The following IQCJ variants were observed in gnomAD, a reference collection of about 807,000 sequenced individuals.
The protein encoded by IQCJ is IQ domain-containing protein J.
IQCJ carries 9 observed loss-of-function variants against 11.0 expected under a neutral mutation model. The ratio of observed to expected loss-of-function variants is 0.82; its 90% CI spans 0.49 to 1.43. The LOEUF (loss-of-function observed/expected upper bound fraction) is 1.43, where lower values mean the gene tolerates loss of function less well. IQCJ is among the 40% of genes most tolerant of loss of function. The pLI, the probability that IQCJ is intolerant of heterozygous loss-of-function variation, is 0.00. For synonymous variants in IQCJ, 55 were observed against 51.3 expected, an observed-to-expected ratio of 1.07 and a Z score of -0.31; for missense variants, 146 against 133.2, an observed-to-expected ratio of 1.10 and a Z score of -0.47.
intron 1 of IQCJ, among the ~76,000 whole-genome samples, chr3:159,227,753 G>A (rs1560033046): frequency 6.6e-6 from 1 of 152,178 alleles, no homozygotes; most frequent in Admixed American, 6.5e-5. Context: ...AGACTATGTT[G>A]TAAATGTTTT....
intron 1 of IQCJ, among the ~76,000 whole-genome samples, chr3:159,218,681 G>T (rs73029450): frequency 1.3e-5 from 2 of 152,056 alleles, no homozygotes; most frequent in African/African-American, 4.8e-5. Flanking sequence ...ATATAAAGCA[G>T]GAAGAATTTT....
chr3:159,121,028 G>A (rs1719339393), intron 1 of IQCJ, among the ~76,000 whole-genome samples: 1 of 152,046 alleles, frequency 6.6e-6, no homozygotes, highest in South Asian at 2.1e-4. Flanking sequence ...TAGCTCTGAA[G>A]TCCCTTCTGG....
At chr3:159,165,262 A>C (rs910116025) in intron 1 of IQCJ, among the ~76,000 whole-genome samples, 1 of 152,246 alleles carries the variant, frequency 6.6e-6, no homozygotes, top group African/African-American at 2.4e-5. Context: ...TTCTATTTGC[A>C]TGTCCAAATA....
chr3:159,231,463 G>A (rs1432670916), intron 1 of IQCJ, among the ~76,000 whole-genome samples: 2 of 152,066 alleles, frequency 1.3e-5, no homozygotes, highest in Non-Finnish European at 2.9e-5. Flanking sequence ...TTTCCTGCAA[G>A]CTAGGAAATA....
intron 1 of IQCJ, among the ~76,000 whole-genome samples, chr3:159,124,060 G>A (rs1477106841): frequency 6.6e-6 from 1 of 152,026 alleles, no homozygotes; most frequent in African/African-American, 2.4e-5. Context: ...TGCCCCACTT[G>A]CCTTAAATAT....
rs539763795 is a variant in IQCJ at position 159,088,640 on chromosome 3, T to C, written c.9+19199T>C. On this transcript the variant is annotated intron_variant, in intron 1 of 3. Transcript: ENST00000397832. ...CATATATATGCAGGATAGTTAGCTC[T>C]TCTTGTTGAATTGATCCCTTTACCA... 3.7e-4 allele frequency among the ~76,000 whole-genome samples: 57 copies of C among 152,334 alleles called. 1 individual carries two copies. The highest frequency in any genetic ancestry group is 2.7e-3 in the South Asian group (13 of 4,828).
At chr3:159,214,868 G>A (rs1315202105) in intron 1 of IQCJ, among the ~76,000 whole-genome samples, 1 of 152,108 alleles carries the variant, frequency 6.6e-6, no homozygotes, top group Non-Finnish European at 1.5e-5. Flanking sequence ...TTTAAAAACT[G>A]TATCCAGCAA....
chr3:159,183,733 A>G (rs1476037452), intron 1 of IQCJ, among the ~76,000 whole-genome samples: 1 of 152,206 alleles, frequency 6.6e-6, no homozygotes, highest in African/African-American at 2.4e-5. Flanking sequence ...CAATACACAT[A>G]AAAGGCAGTG....
chr3:159,074,172 G>A (rs1376296627), intron 1 of IQCJ, among the ~76,000 whole-genome samples: 2 of 152,066 alleles, frequency 1.3e-5, no homozygotes, highest in African/African-American at 2.4e-5. Context: ...ATAGGCTTGC[G>A]TGAAGGTGAA....
At chr3:159,103,120 T>C (rs2108103432) in intron 1 of IQCJ, among the ~76,000 whole-genome samples, 1 of 152,360 alleles carries the variant, frequency 6.6e-6, no homozygotes, top group South Asian at 2.1e-4. Context: ...GTTATGTCTC[T>C]GATTCACATC....
At chr3:159,252,944 T>G in intron 3 of IQCJ, 137 bp downstream of exon 3, 1 of 825,870 alleles carries the variant, frequency 1.2e-6, no homozygotes. Context: ...CTCCCTCTTC[T>G]AAGCAGGAAC....
chr3:159,225,244 G>A (rs1026043536), intron 1 of IQCJ, among the ~76,000 whole-genome samples: 1 of 152,152 alleles, frequency 6.6e-6, no homozygotes, highest in African/African-American at 2.4e-5. Context: ...CACACGAAGT[G>A]AATGGACCTC....
At chr3:159,212,071 C>T (rs1724985975) in intron 1 of IQCJ, among the ~76,000 whole-genome samples, 1 of 151,248 alleles carries the variant, frequency 6.6e-6, no homozygotes, top group Non-Finnish European at 1.5e-5. Context: ...GATGCAAGCC[C>T]ATGGGAGAAT....
At chr3:159,239,736 T>G (rs1233171990) in intron 1 of IQCJ, among the ~76,000 whole-genome samples, 1 of 152,226 alleles carries the variant, frequency 6.6e-6, no homozygotes, top group Non-Finnish European at 1.5e-5. Context: ...CATAACAACA[T>G]AACATTACAA....
At chr3:159,120,433 G>T (rs576346301) in intron 1 of IQCJ, among the ~76,000 whole-genome samples, 90 of 152,324 alleles carry the variant, frequency 5.9e-4, no homozygotes, top group Middle Eastern at 3.4e-3. Flanking sequence ...AACTAGTGTG[G>T]TGAATCTGGG....
At chr3:159,257,258 C>T (rs1473514425) in intron 3 of IQCJ, among the ~76,000 whole-genome samples, 1 of 152,150 alleles carries the variant, frequency 6.6e-6, no homozygotes, top group Non-Finnish European at 1.5e-5. Flanking sequence ...TAATCTGATA[C>T]TCTTCTTTTT....
intron 1 of IQCJ, among the ~76,000 whole-genome samples, chr3:159,221,105 T>C (rs963031468): frequency 6.6e-6 from 1 of 152,138 alleles, no homozygotes; most frequent in Non-Finnish European, 1.5e-5. Flanking sequence ...GTTTCATTGT[T>C]TTGTTTTACT....
chr3:159,244,341 A>T (rs867026777), intron 1 of IQCJ, among the ~76,000 whole-genome samples: 3 of 152,250 alleles, frequency 2.0e-5, no homozygotes, highest in Admixed American at 6.5e-5. Context: ...AGTGGGGAAG[A>T]TCTGAAAACA....
chr3:159,140,691 C>T (rs1403372004), intron 1 of IQCJ, among the ~76,000 whole-genome samples: 2 of 152,190 alleles, frequency 1.3e-5, no homozygotes, highest in Non-Finnish European at 2.9e-5. Context: ...TACACAGCAA[C>T]TGTGAATCAT....
Sources: gnomAD v4.1 joint callset for allele counts (sites outside exome capture counted in the v4.1 genomes callset) on GRCh38, gnomAD v4.1.1 for gene constraint, MANE v1.5 for transcripts, NCBI Gene and HGNC (gene_info 2026-07-23, HGNC 2026-07-21) for gene names.